KCND3: variants seen among roughly 807,000 people sequenced by gnomAD.
KCND3 encodes A-type voltage-gated potassium channel KCND3.
In KCND3, 9 loss-of-function variants were observed where a neutral mutation model predicts 51.1. The ratio of observed to expected loss-of-function variants is 0.18; its 90% CI spans 0.11 to 0.31. The LOEUF (loss-of-function observed/expected upper bound fraction) is 0.31, where lower values mean the gene tolerates loss of function less well. Ranked by LOEUF, KCND3 falls within the 10% of genes least tolerant of loss-of-function variation. KCND3 has a pLI of 1.00. For missense variants in KCND3, 526 were observed against 903.8 expected (o/e 0.58, Z 5.36); for synonymous variants, 349 against 368.0 (o/e 0.95, Z 0.59).
chr1:111,971,555 T>C (rs1393104151), intron 2 of KCND3, among the ~76,000 whole-genome samples: 1 of 152,128 alleles, frequency 6.6e-6, no homozygotes, highest in Non-Finnish European at 1.5e-5. Flanking sequence ...CCTCCCTTCA[T>C]CTTTCCCTGG....
intron 2 of KCND3, among the ~76,000 whole-genome samples, chr1:111,857,321 T>C (rs992708515): frequency 6.6e-6 from 1 of 152,150 alleles, no homozygotes; most frequent in Non-Finnish European, 1.5e-5. Flanking sequence ...AGGACAGAGA[T>C]GTCTGCACCA....
intron 2 of KCND3, among the ~76,000 whole-genome samples, chr1:111,888,556 C>A (rs1669671566): frequency 6.6e-6 from 1 of 151,822 alleles, no homozygotes; most frequent in African/African-American, 2.4e-5. Flanking sequence ...GTGGTGGGCG[C>A]CTGTAATCCC....
At chr1:111,883,516 T>C (rs1343171169) in intron 2 of KCND3, among the ~76,000 whole-genome samples, 1 of 152,238 alleles carries the variant, frequency 6.6e-6, no homozygotes, top group Admixed American at 6.5e-5. Flanking sequence ...ATGGACTCGA[T>C]AAGCATTTAA....
At position 111,772,422 on chromosome 1, in the gene KCND3, GT is replaced by G. The variant is rs767872759; in HGVS notation, c.*3654del. 6.6e-6 allele frequency: 1 copy of G among 152,192 alleles called. No homozygotes were observed. Among genetic ancestry groups the G allele is most frequent in the Non-Finnish European group, 1.5e-5 (1 of 68,036 alleles). 9.4% of individuals were successfully genotyped at this position (152,192 alleles called of 1,614,324 possible). ...GATTTCCAAGGGCTGTGTCCAAGTA[GT>G]ATTGACATATACGTATTGACATATA... On this transcript the variant is annotated 3_prime_UTR_variant, in exon 8 of 8. Coordinates refer to ENST00000302127, the MANE Select transcript of KCND3 (RefSeq NM_001378969.1).
chr1:111,791,834 CT>C (rs1367692051), intron 2 of KCND3, among the ~76,000 whole-genome samples: 1 of 152,142 alleles, frequency 6.6e-6, no homozygotes, highest in Non-Finnish European at 1.5e-5. Flanking sequence ...TGACGTATAG[CT>C]GATGGGAAGG....
chr1:111,841,299 T>C (rs1312165605), intron 2 of KCND3, among the ~76,000 whole-genome samples: 1 of 152,216 alleles, frequency 6.6e-6, no homozygotes, highest in Non-Finnish European at 1.5e-5. Flanking sequence ...ACGTAGTGTT[T>C]CTCTTTCTCT....
At chr1:111,866,885 G>A (rs1325572900) in intron 2 of KCND3, among the ~76,000 whole-genome samples, 1 of 152,212 alleles carries the variant, frequency 6.6e-6, no homozygotes, top group Non-Finnish European at 1.5e-5. Flanking sequence ...CTAATCACCA[G>A]TGCCAGCACC....
intron 2 of KCND3, among the ~76,000 whole-genome samples, chr1:111,879,959 C>T (rs969363210): frequency 6.6e-6 from 1 of 152,126 alleles, no homozygotes; most frequent in African/African-American, 2.4e-5. Context: ...CTCCTTGTAC[C>T]TTCATTTCCT....
At chr1:111,868,837 G>A (rs1159419714) in intron 2 of KCND3, among the ~76,000 whole-genome samples, 1 of 152,136 alleles carries the variant, frequency 6.6e-6, no homozygotes, top group East Asian at 1.9e-4. Flanking sequence ...CTGGGCTCAC[G>A]TGATCCTCCC....
At chr1:111,969,843 A>G (rs1455401173) in intron 2 of KCND3, among the ~76,000 whole-genome samples, 1 of 151,980 alleles carries the variant, frequency 6.6e-6, no homozygotes, top group Non-Finnish European at 1.5e-5. Flanking sequence ...TCCATCTCAA[A>G]ACCAACTGCG....
At chr1:111,799,018 C>A (rs192379199) in intron 2 of KCND3, among the ~76,000 whole-genome samples, 154 of 152,188 alleles carry the variant, frequency 1.0e-3, no homozygotes, top group Admixed American at 2.1e-3. Context: ...TGATTTGTCA[C>A]TGGGAGATGG....
intron 3 of KCND3, among the ~76,000 whole-genome samples, chr1:111,783,753 C>G (rs971527113): frequency 6.6e-6 from 1 of 152,110 alleles, no homozygotes; most frequent in Non-Finnish European, 1.5e-5. Flanking sequence ...TAGTCCAAAA[C>G]TGAAATCATC....
In KCND3 at chr1:111,806,040, A is replaced by G. The variant is rs567228551; in HGVS notation, c.1107-18934T>C. Reference sequence around the variant, plus strand: ...GCCTTCCCCAGGGGCCTTTTCACCAAGCGACATCTCACGGCTCCCACCAGG... The same window carrying G: ...GCCTTCCCCAGGGGCCTTTTCACCAGGCGACATCTCACGGCTCCCACCAGG... On this transcript the variant is annotated intron_variant, in intron 2 of 7. Transcript: ENST00000302127. Among the ~76,000 whole-genome samples the G allele has an allele frequency of 2.0e-5, 3 of 152,190 alleles. No homozygotes were observed. In the East Asian group the frequency reaches 5.8e-4, roughly 29 times the overall value.
chr1:111,926,922 C>CT (rs1008931052), intron 2 of KCND3, among the ~76,000 whole-genome samples: 1 of 152,214 alleles, frequency 6.6e-6, no homozygotes, highest in South Asian at 2.1e-4. Context: ...GTCCTTTTTT[C>CT]TTTTTTTTCT....
chr1:111,869,455 G>T (rs1169014998), intron 2 of KCND3, among the ~76,000 whole-genome samples: 1 of 152,180 alleles, frequency 6.6e-6, no homozygotes, highest in Admixed American at 6.5e-5. Context: ...ATGAGTTGGG[G>T]TTATGGCCAC....
At chr1:111,868,064 A>G (rs557749779) in intron 2 of KCND3, among the ~76,000 whole-genome samples, 10 of 152,358 alleles carry the variant, frequency 6.6e-5, no homozygotes, top group Admixed American at 3.3e-4. Context: ...AACTAAACAT[A>G]ATAAGTGGTT....
intron 2 of KCND3, among the ~76,000 whole-genome samples, chr1:111,828,211 G>A (rs986672047): frequency 1.6e-5 from 2 of 125,484 alleles, no homozygotes; most frequent in Non-Finnish European, 3.7e-5. Context: ...TTTGGTGTGG[G>A]CAGCAAGTCT....
chr1:111,785,706 G>A (rs1047508672), intron 3 of KCND3, among the ~76,000 whole-genome samples: 1 of 151,800 alleles, frequency 6.6e-6, no homozygotes, highest in African/African-American at 2.4e-5. Context: ...TGTGATGGTC[G>A]GCATACACAG....
At chr1:111,862,404 C>T (rs1668374316) in intron 2 of KCND3, among the ~76,000 whole-genome samples, 1 of 152,240 alleles carries the variant, frequency 6.6e-6, no homozygotes, top group South Asian at 2.1e-4. Context: ...ATGCTAATGC[C>T]CCCAACCCTT....
Sources: gnomAD v4.1 joint callset for allele counts (sites outside exome capture counted in the v4.1 genomes callset) on GRCh38, gnomAD v4.1.1 for gene constraint, MANE v1.5 for transcripts, NCBI Gene and HGNC (gene_info 2026-07-23, HGNC 2026-07-21) for gene names.